The following NCOR1 variants were observed in gnomAD, a reference collection of about 807,000 sequenced individuals.
The protein encoded by NCOR1 is protein phosphatase 1, regulatory subunit 109.
In NCOR1, 63 loss-of-function variants were observed where a neutral mutation model predicts 288.1. The observed-to-expected ratio is 0.22, with a 90% CI of 0.18 to 0.27. The LOEUF is 0.27. Among genes scored for constraint, NCOR1 ranks in the 10% least tolerant of loss-of-function variants. The probability of loss-of-function intolerance (pLI) is 1.00; values close to 1 mark genes in which losing one functional copy is unlikely to be tolerated. For missense variants in NCOR1, 2,397 were observed against 3,019.2 expected (o/e 0.79, Z 4.83); for synonymous variants, 1,007 against 1,065.9 (o/e 0.94, Z 1.08).
chr17:16,068,194 C>A, intron 31 of NCOR1, 73 bp from the exon 32 acceptor site: 1 of 1,228,898 alleles, frequency 8.1e-7, no homozygotes, highest in Non-Finnish European at 1.2e-6. Flanking sequence ...CATTTCTCAA[C>A]CATTCAAATA....
intron 14 of NCOR1, among the ~76,000 whole-genome samples, chr17:16,135,571 A>C (rs549801348): frequency 6.4e-4 from 97 of 152,130 alleles, no homozygotes; most frequent in African/African-American, 2.2e-3. Flanking sequence ...ATCTTCTTCA[A>C]CTCTGTGTAA....
chr17:16,077,424 GAAGGAAAGGA>G (rs1399641926), intron 26 of NCOR1, among the ~76,000 whole-genome samples: 1 of 139,794 alleles, frequency 7.2e-6, no homozygotes, highest in Non-Finnish European at 1.5e-5. Flanking sequence ...AAGCAAAAAG[GAAGGAAAGGA>G]AAGGTAAGGA....
At chr17:16,140,515 A>T (rs2076998336) in intron 11 of NCOR1, among the ~76,000 whole-genome samples, 1 of 152,044 alleles carries the variant, frequency 6.6e-6, no homozygotes, top group Non-Finnish European at 1.5e-5. Context: ...TAATTTTTTT[A>T]AATTAGCTAA....
chr17:16,176,522 G>A (rs1392867787), intron 3 of NCOR1, among the ~76,000 whole-genome samples: 1 of 152,194 alleles, frequency 6.6e-6, no homozygotes, highest in East Asian at 1.9e-4. Flanking sequence ...GCATGCCTCA[G>A]CCTCCCAAAG....
intron 40 of NCOR1, among the ~76,000 whole-genome samples, chr17:16,052,509 G>T (rs757028183): frequency 6.6e-6 from 1 of 152,024 alleles, no homozygotes; most frequent in Non-Finnish European, 1.5e-5. Context: ...TAAAAGAAAT[G>T]GATAAATTTC....
Position 16,098,439 on chromosome 17 carries a change from G to A in NCOR1, c.2748C>T (p.Val916=), listed in dbSNP as rs1480079828. ...GTGGATTTGGTTTTAACGGAGATGA[G>A]ACGAGTATAGATCCAGTGGGGTTTA... is the stretch of plus-strand genomic sequence containing the variant. ...SLLNPTGSIL[V]SSPLKPNPLD... is the part of the protein sequence containing the mutation. Residue 916 remains valine (V), a synonymous_variant, in exon 21 of 46, where the codon GTC becomes GTT. Coordinates refer to ENST00000268712, the MANE Select transcript of NCOR1 (RefSeq NM_006311.4). 4 of 1,613,830 alleles carry A rather than the reference G, an allele frequency of 2.5e-6. No homozygotes were observed. The highest frequency in any genetic ancestry group is 1.1e-5 in the South Asian group (1 of 91,078).
chr17:16,069,116 T>C (rs536520061), intron 31 of NCOR1, among the ~76,000 whole-genome samples: 1 of 152,330 alleles, frequency 6.6e-6, no homozygotes, highest in Non-Finnish European at 1.5e-5. Context: ...AGTACAAGCA[T>C]GATGGCTGTG....
chr17:16,044,786 A>G (rs2058380864), intron 42 of NCOR1: 1 of 1,083,246 alleles, frequency 9.2e-7, no homozygotes, highest in Non-Finnish European at 1.4e-6. Flanking sequence ...CAATGTCAAC[A>G]TTGGGAGCCT....
chr17:16,188,154 A>C (rs2087145004), intron 2 of NCOR1, among the ~76,000 whole-genome samples: 1 of 152,168 alleles, frequency 6.6e-6, no homozygotes, highest in Admixed American at 6.5e-5. Flanking sequence ...CTGTGTCAAC[A>C]AAAAGTTTTA....
chr17:16,050,228 T>A (rs934552350), intron 40 of NCOR1, among the ~76,000 whole-genome samples: 1 of 151,044 alleles, frequency 6.6e-6, no homozygotes, highest in Non-Finnish European at 1.5e-5. Flanking sequence ...ACCCTCAATT[T>A]TTTTTTTTTT....
intron 1 of NCOR1, among the ~76,000 whole-genome samples, chr17:16,211,889 A>AG (rs2092162953): frequency 6.6e-6 from 1 of 152,224 alleles, no homozygotes; most frequent in South Asian, 2.1e-4. Flanking sequence ...GCTCTTAAAA[A>AG]GTGCTAATAG....
intron 18 of NCOR1, among the ~76,000 whole-genome samples, chr17:16,114,143 CAAAAAAAAAA>C (rs71353770): frequency 1.7e-4 from 3 of 17,708 alleles, no homozygotes; most frequent in Non-Finnish European, 3.7e-4. Context: ...TGGCGGCAGG[CAAAAAAAAAA>C]AAAAAAAAAA....
At chr17:16,202,379 C>T (rs1185547882) in intron 1 of NCOR1, among the ~76,000 whole-genome samples, 3 of 148,060 alleles carry the variant, frequency 2.0e-5, no homozygotes, top group East Asian at 2.0e-4. Context: ...CCAGGCTGGA[C>T]GACAGAGCAA....
chr17:16,164,564 C>T (rs541342419), intron 5 of NCOR1, among the ~76,000 whole-genome samples: 17 of 152,138 alleles, frequency 1.1e-4, no homozygotes, highest in Non-Finnish European at 1.9e-4. Flanking sequence ...AACCGGTACT[C>T]ACATAAGCTG....
chr17:16,155,600 T>C (rs1300427100), intron 6 of NCOR1, among the ~76,000 whole-genome samples: 1 of 152,186 alleles, frequency 6.6e-6, no homozygotes, highest in Non-Finnish European at 1.5e-5. Flanking sequence ...TCAACTTTTC[T>C]CAGGAAGTCA....
chr17:16,100,265 A>G (rs1236491675), intron 20 of NCOR1, among the ~76,000 whole-genome samples: 4 of 152,232 alleles, frequency 2.6e-5, no homozygotes, highest in Non-Finnish European at 5.9e-5. Flanking sequence ...TGTAAAATAT[A>G]TATCTTTTAC....
At chr17:16,136,637 CT>C (rs1000518081) in intron 14 of NCOR1, among the ~76,000 whole-genome samples, 8 of 151,904 alleles carry the variant, frequency 5.3e-5, no homozygotes, top group African/African-American at 1.9e-4. Context: ...GAAACCCCAT[CT>C]CTACTAAAAA....
intron 19 of NCOR1, among the ~76,000 whole-genome samples, chr17:16,105,394 G>C (rs4791661): frequency 6.6e-6 from 1 of 151,802 alleles, no homozygotes; most frequent in African/African-American, 2.4e-5. Context: ...TCCAGCCTAG[G>C]TGACACAGCG....
At chr17:16,166,118 C>T (rs1170374918) in intron 4 of NCOR1, among the ~76,000 whole-genome samples, 1 of 152,138 alleles carries the variant, frequency 6.6e-6, no homozygotes, top group African/African-American at 2.4e-5. Flanking sequence ...GCCTCATATT[C>T]TCTAATAGTA....
Sources: allele counts gnomAD v4.1 joint callset (sites outside exome capture counted in the v4.1 genomes callset), GRCh38; gene constraint gnomAD v4.1.1; transcripts MANE v1.5; gene names NCBI Gene and HGNC (gene_info 2026-07-23, HGNC 2026-07-21).